The following VTI1A variants were observed in gnomAD, a reference collection of about 807,000 sequenced individuals.
VTI1A encodes vesicle transport through interaction with t-SNAREs homolog 1A.
A neutral mutation model predicts 34.9 loss-of-function variants in VTI1A; 22 were observed. The observed-to-expected ratio is 0.63, with a 90% CI of 0.45 to 0.90. The LOEUF (loss-of-function observed/expected upper bound fraction) is 0.90. Ranked by LOEUF, VTI1A falls within the 40% of genes least tolerant of loss-of-function variation. VTI1A has a pLI of 0.00. For synonymous variants in VTI1A, 87 were observed against 97.3 expected (o/e 0.89, Z 0.62); for missense variants, 268 against 275.6 (o/e 0.97, Z 0.20).
chr10:112,677,392 G>T (rs1590059089), intron 7 of VTI1A, among the ~76,000 whole-genome samples: 1 of 152,194 alleles, frequency 6.6e-6, no homozygotes, highest in Non-Finnish European at 1.5e-5. Context: ...CACAAGACAT[G>T]AACATCATCC....
intron 5 of VTI1A, among the ~76,000 whole-genome samples, chr10:112,658,301 G>C (rs576070162): frequency 2.6e-5 from 4 of 152,000 alleles, no homozygotes; most frequent in African/African-American, 9.6e-5. Context: ...TGCTCAGGAT[G>C]GTCTCAAACT....
chr10:112,753,414 A>T (rs1293809771), intron 7 of VTI1A, among the ~76,000 whole-genome samples: 1 of 152,158 alleles, frequency 6.6e-6, no homozygotes, highest in Non-Finnish European at 1.5e-5. Flanking sequence ...CTATCCTCAG[A>T]GAGGGAGAAA....
At chr10:112,762,396 G>A (rs1048939408) in intron 7 of VTI1A, among the ~76,000 whole-genome samples, 6 of 152,154 alleles carry the variant, frequency 3.9e-5, no homozygotes, top group African/African-American at 1.2e-4. Flanking sequence ...CCAGAAACAC[G>A]AAGACAGAGA....
At chr10:112,790,951 C>T (rs1469172718) in intron 7 of VTI1A, among the ~76,000 whole-genome samples, 4 of 152,072 alleles carry the variant, frequency 2.6e-5, no homozygotes, top group Admixed American at 6.5e-5. Context: ...CCTCTACTTC[C>T]CAGAATCCCA....
chr10:112,495,899 A>G (rs1225769828), intron 3 of VTI1A, among the ~76,000 whole-genome samples: 2 of 152,206 alleles, frequency 1.3e-5, no homozygotes, highest in Non-Finnish European at 2.9e-5. Context: ...AGAAGAGACT[A>G]TTTCAAAAAA....
intron 7 of VTI1A, among the ~76,000 whole-genome samples, chr10:112,805,622 G>A (rs1024938456): frequency 1.3e-5 from 2 of 152,204 alleles, no homozygotes; most frequent in Admixed American, 1.3e-4. Context: ...CGGGAATAGG[G>A]TGGGCTCCTA....
intron 3 of VTI1A, among the ~76,000 whole-genome samples, chr10:112,518,585 CTCTCTA>C (rs747977020): frequency 0.014 from 1,263 of 88,674 alleles, 8 homozygotes; most frequent in Non-Finnish European, 0.019. Context: ...CTCTCTCTCT[CTCTCTA>C]TATATATATA....
Position 112,531,114 on chromosome 10 carries a change from T to TGCGC in VTI1A, c.342+3959_342+3962dup, listed in dbSNP as rs142898727. Among the ~76,000 whole-genome samples, 901 of 113,962 alleles carry TGCGC rather than the reference T, an allele frequency of 7.9e-3. 16 individuals carry two copies. The highest frequency in any genetic ancestry group is 0.026 in the African/African-American group (844 of 33,054). 74.8% of individuals were successfully genotyped at this position (113,962 alleles called of 152,430 possible). On this transcript the variant is annotated intron_variant, in intron 4 of 7. Coordinates refer to ENST00000393077, the MANE Select transcript of VTI1A (RefSeq NM_145206.4). Reference sequence around the variant, plus strand: ...ACACACACACACACACGTGCGCACGTGCGCGCGCGCGCATGAACCCTCACA... The same window carrying TGCGC: ...ACACACACACACACACGTGCGCACGTGCGCGCGCGCGCGCGCATGAACCCTCACA...
At chr10:112,766,235 CAA>C (rs1851643777) in intron 7 of VTI1A, among the ~76,000 whole-genome samples, 1 of 152,108 alleles carries the variant, frequency 6.6e-6, no homozygotes, top group Admixed American at 6.5e-5. Context: ...AAACACAAGT[CAA>C]AGTTTAAAAC....
chr10:112,477,336 C>A (rs1041208498), intron 3 of VTI1A, among the ~76,000 whole-genome samples: 1 of 152,134 alleles, frequency 6.6e-6, no homozygotes, highest in South Asian at 2.1e-4. Flanking sequence ...TGCTTAAGTG[C>A]GATCATATTG....
chr10:112,812,345 TG>T, intron 7 of VTI1A, among the ~76,000 whole-genome samples: 1 of 152,376 alleles, frequency 6.6e-6, no homozygotes, highest in African/African-American at 2.4e-5. Context: ...GAAGTTACTT[TG>T]GGCTTCTCCC....
chr10:112,447,487 G>A lies in VTI1A; in HGVS notation c.94+20G>A, dbSNP rs150308732. The A allele has an allele frequency of 1.2e-6, 2 of 1,611,444 alleles. No homozygotes were observed. Among genetic ancestry groups the A allele is most frequent in the East Asian group, 2.2e-5 (1 of 44,810 alleles). ...CGCCTGGTGAGAGCCTTGCCCGGCT[G>A]GACGAGGGTGCTGGGGAGAGCTGGG... On this transcript the variant is annotated intron_variant, in intron 1 of 7. Coordinates refer to ENST00000393077, the MANE Select transcript of VTI1A (RefSeq NM_145206.4).
At chr10:112,647,840 G>A (rs1458232739) in intron 5 of VTI1A, among the ~76,000 whole-genome samples, 1 of 152,010 alleles carries the variant, frequency 6.6e-6, no homozygotes, top group Non-Finnish European at 1.5e-5. Context: ...CGCAATCTTG[G>A]CTCGCTGCAA....
At chr10:112,538,434 C>G (rs1589877089) in intron 5 of VTI1A, 104 bp downstream of exon 5, 1 of 1,047,376 alleles carries the variant, frequency 9.5e-7, no homozygotes, top group African/African-American at 1.6e-5. Flanking sequence ...GACAGCAGCC[C>G]GAGATGTGGT....
At chr10:112,826,283 A>T in the VTI1A span, 1 of 152,186 alleles carries the variant, frequency 6.6e-6, no homozygotes, top group Non-Finnish European at 1.5e-5. Flanking sequence ...TCAGCCTTGG[A>T]ACCACAAGCC....
intron 1 of VTI1A, among the ~76,000 whole-genome samples, chr10:112,450,975 G>A (rs967273035): frequency 2.6e-5 from 4 of 152,126 alleles, no homozygotes; most frequent in African/African-American, 9.7e-5. Flanking sequence ...ACACGAAATA[G>A]GCTTCCTGAA....
intron 7 of VTI1A, among the ~76,000 whole-genome samples, chr10:112,745,587 A>G (rs1850867843): frequency 6.6e-6 from 1 of 152,176 alleles, no homozygotes; most frequent in Non-Finnish European, 1.5e-5. Context: ...GGACATGTGA[A>G]TCTATCCCAC....
intron 5 of VTI1A, chr10:112,548,730 T>C: frequency 7.2e-7 from 1 of 1,392,954 alleles, no homozygotes; most frequent in Non-Finnish European, 1.0e-6. Flanking sequence ...GTCTATCTCA[T>C]ATCACGAAGG....
intron 7 of VTI1A, among the ~76,000 whole-genome samples, chr10:112,782,716 A>G (rs1852169581): frequency 6.6e-6 from 1 of 152,110 alleles, no homozygotes; most frequent in Admixed American, 6.5e-5. Context: ...CTGAACTGCT[A>G]GGGAGTGTTT....
Sources: gnomAD v4.1 joint callset for allele counts (sites outside exome capture counted in the v4.1 genomes callset) on GRCh38, gnomAD v4.1.1 for gene constraint, MANE v1.5 for transcripts, NCBI Gene and HGNC (gene_info 2026-07-23, HGNC 2026-07-21) for gene names.